The following PYM1 variants were observed in gnomAD, a reference collection of about 807,000 sequenced individuals.
PYM1 encodes PYM1 exon junction complex associated factor.
Under a neutral mutation model 20.7 loss-of-function variants are expected in PYM1, and 7 were observed. The observed-to-expected ratio is 0.34, with a 90% CI of 0.19 to 0.64. PYM1 has a LOEUF of 0.64. Ranked by LOEUF, PYM1 falls within the 30% of genes least tolerant of loss-of-function variation. The pLI is 0.74. For missense variants in PYM1, 194 were observed against 250.0 expected (o/e 0.78, Z 1.51); for synonymous variants, 100 against 99.2 (o/e 1.01, Z -0.05).
chr12:55,918,739 G>T (rs998354349), intron 1 of PYM1, among the ~76,000 whole-genome samples: 1 of 152,090 alleles, frequency 6.6e-6, no homozygotes. Context: ...GTGGTGGCAC[G>T]TGCCTGTAGT....
intron 1 of PYM1, among the ~76,000 whole-genome samples, chr12:55,919,587 G>C (rs1233513913): frequency 6.6e-6 from 1 of 152,092 alleles, no homozygotes; most frequent in African/African-American, 2.4e-5. Context: ...TGTTATATAT[G>C]CATATGTGCT....
At chr12:55,913,760 T>C (rs1486751776) in intron 1 of PYM1, 1 of 152,274 alleles carries the variant, frequency 6.6e-6, no homozygotes, top group Non-Finnish European at 1.5e-5. Flanking sequence ...ATCTCGTGCT[T>C]TTCACATGTA....
chr12:55,927,741 A>G lies in PYM1; in HGVS notation c.21T>C (p.Pro7=), dbSNP rs1317889446. Residue 7 remains proline, a synonymous_variant, in exon 1 of 3, where the codon CCT becomes CCC. Transcript: ENST00000408946. MEAAGS[P]AATETGKYIA... Reference sequence around the variant, plus strand: ...GTCGGTCACCTGTCTCCGTAGCCGCAGGGCTGCCGGCAGCTTCCATGGCCG... The same window carrying G: ...GTCGGTCACCTGTCTCCGTAGCCGCGGGGCTGCCGGCAGCTTCCATGGCCG... The G allele has an allele frequency of 1.3e-6, 2 of 1,539,848 alleles. No individual in the cohort carries two copies. Among genetic ancestry groups the G allele is most frequent in the Admixed American group, 2.0e-5 (1 of 50,986 alleles).
At chr12:55,914,958 G>A (rs1210788111) in intron 1 of PYM1, among the ~76,000 whole-genome samples, 2 of 152,168 alleles carry the variant, frequency 1.3e-5, no homozygotes, top group African/African-American at 4.8e-5. Context: ...GCTCACACCT[G>A]TAATCCCAGC....
chr12:55,902,115 G>A lies in PYM1; in HGVS notation c.372C>T (p.Leu124=), dbSNP rs1411283113. Residue 124 remains leucine (L), a synonymous_variant, in exon 3 of 3, where the codon CTC becomes CTT. Transcript: ENST00000408946. ...CCCGAGAGCCCTGTGGAGCACTGGG[G>A]AGTTGGGCTGTCTCTTCCAGGGACA... is the stretch of plus-strand genomic sequence containing the variant. ...DKVSLEETAQ[L]PSAPQGSRAA... is the part of the protein sequence containing the mutation. 1.2e-6 allele frequency: 2 copies of A among 1,614,012 alleles called. No individual in the cohort carries two copies. The highest frequency in any genetic ancestry group is 2.7e-5 in the African/African-American group (2 of 74,912).
At chr12:55,915,233 A>AAAC in intron 1 of PYM1, among the ~76,000 whole-genome samples, 1 of 150,446 alleles carries the variant, frequency 6.6e-6, no homozygotes, top group South Asian at 2.1e-4. Flanking sequence ...AAAAAAAAAA[A>AAAC]AAAGTAAAGG....
At chr12:55,914,153 T>C (rs1441326239) in intron 1 of PYM1, 1 of 586,216 alleles carries the variant, frequency 1.7e-6, no homozygotes. Flanking sequence ...ATAGAGATTA[T>C]AGCTGAAGGT....
chr12:55,908,324 G>T (rs541129857), intron 1 of PYM1, among the ~76,000 whole-genome samples: 16 of 151,844 alleles, frequency 1.1e-4, no homozygotes, highest in Non-Finnish European at 2.2e-4. Flanking sequence ...AGCTACTGGG[G>T]ACGCAGAGGC....
intron 1 of PYM1, among the ~76,000 whole-genome samples, chr12:55,911,718 G>T (rs922595560): frequency 4.0e-4 from 60 of 151,768 alleles, no homozygotes; most frequent in African/African-American, 1.3e-3. Context: ...GCGGGCGCCT[G>T]TAATCCCAGC....
chr12:55,913,428 A>G (rs991410337), intron 1 of PYM1, among the ~76,000 whole-genome samples: 5 of 152,234 alleles, frequency 3.3e-5, no homozygotes, highest in African/African-American at 1.2e-4. Flanking sequence ...TAAATTAGTG[A>G]GACTATGAAA....
intron 1 of PYM1, among the ~76,000 whole-genome samples, chr12:55,919,892 C>CA (rs34105681): frequency 0.76 from 111,989 of 146,678 alleles, 42,793 homozygotes; most frequent in Middle Eastern, 0.88. Flanking sequence ...GACTCCGTCT[C>CA]AAAAAAAAAA....
chr12:55,914,103 G>A, intron 1 of PYM1: 1 of 434,636 alleles, frequency 2.3e-6, no homozygotes, highest in Admixed American at 3.9e-5. Context: ...GAATTTGGGA[G>A]AAAGGGACAA....
chr12:55,927,442 G>A (rs1292338692), intron 1 of PYM1: 1 of 704,442 alleles, frequency 1.4e-6, no homozygotes, highest in African/African-American at 1.8e-5. Context: ...AAGGGCGCAA[G>A]GCCCACCTGC....
chr12:55,926,478 T>G (rs1883188758), intron 1 of PYM1, among the ~76,000 whole-genome samples: 1 of 152,164 alleles, frequency 6.6e-6, no homozygotes, highest in Non-Finnish European at 1.5e-5. Context: ...TCTATCACCA[T>G]CACGGGAGAA....
At position 55,914,428 on chromosome 12, in the gene PYM1, A is replaced by G. The variant is rs182888960; in HGVS notation, c.38-10948T>C. On this transcript the variant is annotated intron_variant, in intron 1 of 2. Coordinates refer to ENST00000408946, the MANE Select transcript of PYM1 (RefSeq NM_032345.3). ...TCAGATAATATCTTGCAGAGAGTCA[A>G]AAACTAGAGATTGGGGACTGCTACT... 4 of 694,702 alleles carry G rather than the reference A, an allele frequency of 5.8e-6. No homozygotes were observed. The Admixed American group carries it at 8.2e-5, about 14-fold the overall frequency. The allele number at this position is 694,702 out of a possible 1,614,324, so 43.0% of individuals were successfully genotyped here.
intron 1 of PYM1, among the ~76,000 whole-genome samples, chr12:55,905,659 C>T (rs1443380105): frequency 6.8e-6 from 1 of 146,684 alleles, no homozygotes; most frequent in East Asian, 2.0e-4. Context: ...GTGGAGATTG[C>T]GCCACTGCAC....
intron 1 of PYM1, among the ~76,000 whole-genome samples, chr12:55,904,927 CT>C (rs1180829958): frequency 6.6e-6 from 1 of 151,916 alleles, no homozygotes; most frequent in Non-Finnish European, 1.5e-5. Context: ...GGTCCTCTAA[CT>C]TTTTTTATTT....
At chr12:55,908,762 GA>G (rs1882870115) in intron 1 of PYM1, among the ~76,000 whole-genome samples, 1 of 151,880 alleles carries the variant, frequency 6.6e-6, no homozygotes, top group Non-Finnish European at 1.5e-5. Context: ...TGAGGCAGGA[GA>G]ATCACTTGAG....
chr12:55,908,581 C>T (rs1178342224), intron 1 of PYM1, among the ~76,000 whole-genome samples: 2 of 152,130 alleles, frequency 1.3e-5, no homozygotes, highest in African/African-American at 4.8e-5. Context: ...TCCAGGCGCA[C>T]GGGCCCACTC....
Sources: allele counts gnomAD v4.1 joint callset (sites outside exome capture counted in the v4.1 genomes callset), GRCh38; gene constraint gnomAD v4.1.1; transcripts MANE v1.5; gene names NCBI Gene and HGNC (gene_info 2026-07-23, HGNC 2026-07-21).